Variants in SRGAP2 observed in about 807,000 individuals in gnomAD.
SRGAP2 encodes the protein SLIT-ROBO Rho GTPase-activating protein 2.
Under a neutral mutation model 57.2 loss-of-function variants are expected in SRGAP2, and 15 were observed. The observed-to-expected ratio is 0.26, with a 90% CI of 0.18 to 0.40. The LOEUF (loss-of-function observed/expected upper bound fraction) is 0.40. Among genes scored for constraint, SRGAP2 ranks in the 10% least tolerant of loss-of-function variants. The pLI is 1.00. For synonymous variants in SRGAP2, 249 were observed against 248.0 expected, an observed-to-expected ratio of 1.00 and a Z score of -0.04; for missense variants, 520 against 669.6, an observed-to-expected ratio of 0.78 and a Z score of 2.47.
At chr1:206,333,530 T>C in intron 3 of SRGAP2, 1 of 996,796 alleles carries the variant, frequency 1.0e-6, no homozygotes, top group Non-Finnish European at 1.5e-6. Context: ...CCTCCGTCTC[T>C]ATTTATTTAT....
At chr1:206,257,651 G>C (rs1431287026) in intron 2 of SRGAP2, among the ~76,000 whole-genome samples, 4 of 135,570 alleles carry the variant, frequency 3.0e-5, no homozygotes, top group African/African-American at 8.1e-5. Flanking sequence ...GGGAACCTAG[G>C]GGGTGAGTGA....
At chr1:206,412,791 C>G (rs992467986) in intron 10 of SRGAP2, among the ~76,000 whole-genome samples, 2 of 152,156 alleles carry the variant, frequency 1.3e-5, no homozygotes, top group African/African-American at 4.8e-5. Flanking sequence ...TTATCCCCAA[C>G]GAGTCTCTCA....
At position 206,331,627 on chromosome 1, in the gene SRGAP2, C is replaced by A. The variant is rs1365225971; in HGVS notation, c.261-11219C>A. On this transcript the variant is annotated intron_variant, in intron 3 of 22. Coordinates refer to ENST00000573034, the MANE Select transcript of SRGAP2 (RefSeq NM_015326.5). ...TCTGTTTTATCAGAGACTAGGATTGCAACCCCTGCCTTTTTTTGTTTTCCA... is the reference window on the plus strand; with the variant it reads ...TCTGTTTTATCAGAGACTAGGATTGAAACCCCTGCCTTTTTTTGTTTTCCA... Among the ~76,000 whole-genome samples the A allele has an allele frequency of 2.9e-5, 4 of 137,720 alleles. No individual in the cohort carries two copies. In the East Asian group the frequency reaches 8.7e-4, roughly 30 times the overall value. The allele number at this position is 137,720 out of a possible 152,430, so 90.3% of individuals were successfully genotyped here. A position where few individuals can be genotyped will look rare whatever the true frequency, so the allele number is the denominator to read the frequency against.
At chr1:206,374,111 G>A (rs1353337783) in intron 4 of SRGAP2, among the ~76,000 whole-genome samples, 1 of 141,348 alleles carries the variant, frequency 7.1e-6, no homozygotes, top group Non-Finnish European at 1.5e-5. Flanking sequence ...TGCAAGCTCC[G>A]CCTCCCGGGT....
intron 2 of SRGAP2, among the ~76,000 whole-genome samples, chr1:206,254,179 G>GT (rs373417477): frequency 0.084 from 3,937 of 47,104 alleles, 694 homozygotes; most frequent in Non-Finnish European, 0.1. Context: ...TGCTTTTTCT[G>GT]TTTTTTTTTT....
At chr1:206,383,275 T>A (rs184816419) in intron 4 of SRGAP2, among the ~76,000 whole-genome samples, 1 of 150,560 alleles carries the variant, frequency 6.6e-6, no homozygotes, top group East Asian at 1.9e-4. Flanking sequence ...TCCACCCACC[T>A]TGGCCTCTCA....
chr1:206,275,318 GT>G, intron 2 of SRGAP2, among the ~76,000 whole-genome samples: 1 of 22,138 alleles, frequency 4.5e-5, no homozygotes, highest in Admixed American at 4.6e-4. Flanking sequence ...AAATTGTTCA[GT>G]CAGGGGAAGG....
chr1:206,374,393 T>C (rs1486749828), intron 4 of SRGAP2, among the ~76,000 whole-genome samples: 2 of 136,740 alleles, frequency 1.5e-5, no homozygotes, highest in African/African-American at 2.9e-5. Context: ...ATCGAAGAGC[T>C]TAGGGGAGAA....
chr1:206,302,895 TGAG>T (rs1252674292), intron 2 of SRGAP2, among the ~76,000 whole-genome samples: 4 of 121,746 alleles, frequency 3.3e-5, no homozygotes, highest in African/African-American at 1.4e-4. Context: ...AAAATGGGGA[TGAG>T]GTAGTACCTG....
rs1331166967 is a variant in SRGAP2 at position 206,303,545 on chromosome 1, G to A, written c.260+72G>A. 2.0e-5 allele frequency: 15 copies of A among 758,546 alleles called. No individual in the cohort carries two copies. In the African/African-American group the frequency reaches 2.5e-4, roughly 13 times the overall value. 47.0% of individuals were successfully genotyped at this position (758,546 alleles called of 1,614,324 possible). On this transcript the variant is annotated intron_variant, in intron 3 of 22. Coordinates refer to ENST00000573034, the MANE Select transcript of SRGAP2 (RefSeq NM_015326.5). ...TCCAGGGTGGAGGGGGGCAGGGTAT[G>A]CCACTTAGATCCAGCTGAATTCAGG... is the stretch of plus-strand genomic sequence containing the variant.
At position 206,463,783 on chromosome 1, in the gene SRGAP2, G is replaced by A. The variant is rs541636640; in HGVS notation, c.*2363G>A. 10 of 152,770 alleles carry A rather than the reference G, an allele frequency of 6.5e-5. No homozygotes were observed. Among genetic ancestry groups the A allele is most frequent in the African/African-American group, 1.9e-4 (8 of 41,574 alleles). 9.5% of individuals were successfully genotyped at this position (152,770 alleles called of 1,614,324 possible). On this transcript the variant is annotated 3_prime_UTR_variant, in exon 23 of 23. Coordinates refer to ENST00000573034, the MANE Select transcript of SRGAP2 (RefSeq NM_015326.5). ...CTGTCGAGAGGACTAGGAACCGATA[G>A]GAGGAGAGTCCTTCTCGGCAGAGCT... is the stretch of plus-strand genomic sequence containing the variant.
intron 5 of SRGAP2, among the ~76,000 whole-genome samples, chr1:206,392,194 C>G (rs1418062536): frequency 6.8e-6 from 1 of 147,758 alleles, no homozygotes; most frequent in Non-Finnish European, 1.5e-5. Context: ...GTAAAAGGAG[C>G]TTTTGGAAGC....
intron 3 of SRGAP2, among the ~76,000 whole-genome samples, chr1:206,304,426 C>G (rs1186101292): frequency 4.4e-5 from 6 of 135,788 alleles, no homozygotes; most frequent in Non-Finnish European, 6.2e-5. Context: ...CTTTTGGTCT[C>G]CCTGGGCCAC....
chr1:206,431,316 A>G (rs1661260990), intron 14 of SRGAP2, among the ~76,000 whole-genome samples: 1 of 152,260 alleles, frequency 6.6e-6, no homozygotes, highest in African/African-American at 2.4e-5. Context: ...GCAGGAAAAC[A>G]GAAACAGGAA....
At chr1:206,460,355 T>C (rs1197290474) in intron 22 of SRGAP2, among the ~76,000 whole-genome samples, 1 of 152,176 alleles carries the variant, frequency 6.6e-6, no homozygotes, top group African/African-American at 2.4e-5. Context: ...GAGTGTTCCA[T>C]TGATTTGCAG....
intron 10 of SRGAP2, among the ~76,000 whole-genome samples, chr1:206,408,861 T>C (rs1361880361): frequency 2.6e-5 from 4 of 152,082 alleles, no homozygotes; most frequent in Non-Finnish European, 5.9e-5. Flanking sequence ...TCCTGTCTTA[T>C]GTGGCTCTAG....
chr1:206,285,569 T>C (rs1195077705), intron 2 of SRGAP2, among the ~76,000 whole-genome samples: 1 of 152,184 alleles, frequency 6.6e-6, no homozygotes, highest in Non-Finnish European at 1.5e-5. Flanking sequence ...TTCTTCTCAC[T>C]GGCCTCTGTG....
intron 3 of SRGAP2, chr1:206,333,240 G>A (rs565474764): frequency 4.2e-5 from 34 of 800,938 alleles, no homozygotes; most frequent in African/African-American, 6.9e-5. Flanking sequence ...GAAATCACCC[G>A]TCTTCTGCGT....
At chr1:206,278,539 T>G (rs1462876815) in intron 2 of SRGAP2, among the ~76,000 whole-genome samples, 26 of 143,700 alleles carry the variant, frequency 1.8e-4, no homozygotes, top group Non-Finnish European at 3.0e-4. Flanking sequence ...TAATTTTTAT[T>G]TTTTAGAGAC....
Sources: allele counts gnomAD v4.1 joint callset (sites outside exome capture counted in the v4.1 genomes callset), GRCh38; gene constraint gnomAD v4.1.1; transcripts MANE v1.5; gene names NCBI Gene and HGNC (gene_info 2026-07-23, HGNC 2026-07-21).